Variants in SOX6 observed in about 807,000 individuals in gnomAD.
SOX6 encodes the protein transcription factor SOX-6.
Under a neutral mutation model 97.8 loss-of-function variants are expected in SOX6, and 11 were observed. The observed-to-expected ratio is 0.11, with a 90% CI of 0.07 to 0.19. The LOEUF (loss-of-function observed/expected upper bound fraction) is 0.19, where lower values mean the gene tolerates loss of function less well. SOX6 is among the 10% of genes least tolerant of loss of function. The pLI is 1.00. For missense variants in SOX6, 810 were observed against 1,039.5 expected, an observed-to-expected ratio of 0.78 and a Z score of 3.04; for synonymous variants, 360 against 371.4, an observed-to-expected ratio of 0.97 and a Z score of 0.35.
rs574063675 is a variant in SOX6, at chr11:16,060,631, T to A, written c.1102-4730A>T. Reference sequence around the variant, plus strand: ...AAGTTTGTCTTGGATAATATGAATGTCATTAAATGAATAGGTATAAGCTTA... The same window carrying A: ...AAGTTTGTCTTGGATAATATGAATGACATTAAATGAATAGGTATAAGCTTA... On this transcript the variant is annotated intron_variant, in intron 9 of 15. Coordinates refer to ENST00000683767, the MANE Select transcript of SOX6 (RefSeq NM_001367873.1). Among the ~76,000 whole-genome samples, 19 of 152,084 alleles carry A rather than the reference T, an allele frequency of 1.2e-4. No homozygotes were observed. In the East Asian group the frequency reaches 2.9e-3, roughly 23 times the overall value.
chr11:16,075,388 C>T (rs1289221988), intron 9 of SOX6, among the ~76,000 whole-genome samples: 1 of 152,038 alleles, frequency 6.6e-6, no homozygotes, highest in Admixed American at 6.6e-5. Context: ...TTCACAATAG[C>T]AAAGACTTGG....
At chr11:16,210,128 A>G (rs1212372297) in intron 4 of SOX6, among the ~76,000 whole-genome samples, 1 of 152,198 alleles carries the variant, frequency 6.6e-6, no homozygotes, top group African/African-American at 2.4e-5. Flanking sequence ...CAGCAATTCC[A>G]TCTCTAGGTA....
At chr11:16,584,167 A>T (rs1341163727) in intron 4 of SOX6, among the ~76,000 whole-genome samples, 2 of 152,224 alleles carry the variant, frequency 1.3e-5, no homozygotes, top group Non-Finnish European at 2.9e-5. Flanking sequence ...CATGAAGCTT[A>T]CATCCTGGTG....
At chr11:16,180,294 C>T (rs187660173) in intron 6 of SOX6, among the ~76,000 whole-genome samples, 11 of 151,636 alleles carry the variant, frequency 7.3e-5, no homozygotes, top group South Asian at 4.1e-4. Context: ...TAAAATGCTT[C>T]GAAATATTAG....
intron 3 of SOX6, among the ~76,000 whole-genome samples, chr11:16,283,366 A>C (rs189953015): frequency 3.3e-5 from 5 of 151,462 alleles, no homozygotes; most frequent in Admixed American, 3.3e-4. Flanking sequence ...AACATTGCAT[A>C]GAATTCTTGA....
At chr11:16,427,573 T>G (rs561913191) in intron 1 of SOX6, among the ~76,000 whole-genome samples, 66 of 150,966 alleles carry the variant, frequency 4.4e-4, no homozygotes, top group Middle Eastern at 3.4e-3. Flanking sequence ...AGTGAGAACA[T>G]GAGGTGTTTG....
chr11:16,143,165 C>T (rs1589969391), intron 6 of SOX6, among the ~76,000 whole-genome samples: 2 of 152,186 alleles, frequency 1.3e-5, no homozygotes, highest in East Asian at 1.9e-4. Context: ...AGCAGAAACT[C>T]TACAAGCCAG....
At chr11:16,422,361 A>G (rs1006422344) in intron 1 of SOX6, among the ~76,000 whole-genome samples, 8 of 152,338 alleles carry the variant, frequency 5.3e-5, no homozygotes, top group Non-Finnish European at 2.9e-5. Context: ...CTTTAGTAAA[A>G]TGATCTGTGC....
chr11:16,050,011 G>A, intron 10 of SOX6, 73 bp from the exon 11 acceptor site: 2 of 1,469,088 alleles, frequency 1.4e-6, no homozygotes, highest in Non-Finnish European at 1.9e-6. Context: ...GTAAGCCACA[G>A]TTATTTTACA....
chr11:16,643,070 G>C (rs1039374134), intron 3 of SOX6, among the ~76,000 whole-genome samples: 4 of 152,146 alleles, frequency 2.6e-5, no homozygotes, highest in Non-Finnish European at 5.9e-5. Flanking sequence ...CTTTGATGAT[G>C]GTGACGTACA....
At chr11:16,184,766 T>C (rs1345017482) in intron 5 of SOX6, among the ~76,000 whole-genome samples, 1 of 152,070 alleles carries the variant, frequency 6.6e-6, no homozygotes, top group Non-Finnish European at 1.5e-5. Flanking sequence ...TACTATGAAG[T>C]ATGAGTCAGG....
In SOX6 at chr11:16,427,517, C is replaced by T. The variant is rs185954123; in HGVS notation, c.-5+48798G>A. Among the ~76,000 whole-genome samples, 277 of 150,036 alleles carry T rather than the reference C, an allele frequency of 1.8e-3. 1 individual carries two copies. The highest frequency in any genetic ancestry group is 6.1e-3 in the African/African-American group (249 of 40,806). The stretch of plus-strand genomic sequence containing the variant: ...CACAACAGGCCCAATGTGTGATGTT[C>T]CCCTTCCTGTGTCCATGTGTTCTCA... On this transcript the variant is annotated intron_variant, in intron 1 of 15. Coordinates refer to the SOX6 transcript ENST00000396356.
chr11:16,464,982 C>T (rs992526090), intron 1 of SOX6, among the ~76,000 whole-genome samples: 8 of 152,176 alleles, frequency 5.3e-5, no homozygotes. Context: ...TTTTGTGATT[C>T]TACAAAAATC....
chr11:16,170,688 T>C (rs994662907), intron 6 of SOX6, among the ~76,000 whole-genome samples: 1 of 151,998 alleles, frequency 6.6e-6, no homozygotes, highest in African/African-American at 2.4e-5. Context: ...GGGGCACATG[T>C]TCTGTCAAGG....
chr11:16,190,802 G>T (rs1015000623), intron 4 of SOX6, among the ~76,000 whole-genome samples: 1 of 152,146 alleles, frequency 6.6e-6, no homozygotes, highest in Admixed American at 6.5e-5. Flanking sequence ...GGCAGTGGGA[G>T]GGGGATGCAT....
intron 4 of SOX6, among the ~76,000 whole-genome samples, chr11:16,565,481 A>G (rs1847859564): frequency 6.6e-6 from 1 of 152,128 alleles, no homozygotes; most frequent in South Asian, 2.1e-4. Context: ...TACTGAAACA[A>G]ATATGATACA....
rs1364351675 is a variant in SOX6, at chr11:15,972,662, T to A, written c.*147A>T. 1.2e-6 allele frequency: 1 copy of A among 824,552 alleles called. No homozygotes were observed. The highest frequency in any genetic ancestry group is 2.6e-5 in the Admixed American group (1 of 38,202). 51.1% of individuals were successfully genotyped at this position (824,552 alleles called of 1,614,324 possible). On this transcript the variant is annotated 3_prime_UTR_variant, in exon 16 of 16. Coordinates refer to ENST00000683767, the MANE Select transcript of SOX6 (RefSeq NM_001367873.1). ...AAGTTCATGAAAAATCAGGGAAAACTTAATCTGTCTCACACTTTACGAAAC... is the reference window on the plus strand; with the variant it reads ...AAGTTCATGAAAAATCAGGGAAAACATAATCTGTCTCACACTTTACGAAAC...
At chr11:16,328,649 C>T (rs1222599428) in intron 2 of SOX6, among the ~76,000 whole-genome samples, 2 of 152,118 alleles carry the variant, frequency 1.3e-5, no homozygotes, top group African/African-American at 2.4e-5. Context: ...TTCTGATTCT[C>T]CACTTTAAAC....
chr11:16,299,368 A>G (rs1855186843), intron 3 of SOX6, among the ~76,000 whole-genome samples: 1 of 152,194 alleles, frequency 6.6e-6, no homozygotes, highest in African/African-American at 2.4e-5. Context: ...TTGTTTTCAA[A>G]AATGTTAGAA....
Sources: allele counts gnomAD v4.1 joint callset (sites outside exome capture counted in the v4.1 genomes callset), GRCh38; gene constraint gnomAD v4.1.1; transcripts MANE v1.5; gene names NCBI Gene and HGNC (gene_info 2026-07-23, HGNC 2026-07-21).